GRM8: variants seen among roughly 807,000 people sequenced by gnomAD.
GRM8 encodes the protein metabotropic glutamate receptor 8.
Under a neutral mutation model 87.2 loss-of-function variants are expected in GRM8, and 47 were observed. The observed-to-expected ratio is 0.54, with a 90% CI of 0.43 to 0.69. The LOEUF (loss-of-function observed/expected upper bound fraction) is 0.69. Ranked by LOEUF, GRM8 falls within the 30% of genes least tolerant of loss-of-function variation. The probability of loss-of-function intolerance (pLI) is 0.00; values close to 1 mark genes in which losing one functional copy is unlikely to be tolerated. For synonymous variants in GRM8, 396 were observed against 404.5 expected (o/e 0.98, Z 0.25); for missense variants, 1,019 against 1,139.2 (o/e 0.89, Z 1.52).
chr7:126,782,132 T>C (rs1820143219), intron 6 of GRM8, among the ~76,000 whole-genome samples: 1 of 152,194 alleles, frequency 6.6e-6, no homozygotes. Flanking sequence ...TCATTGCAAA[T>C]AGTAACAGGA....
chr7:126,624,780 T>C (rs1156758344), intron 7 of GRM8, among the ~76,000 whole-genome samples: 6 of 152,216 alleles, frequency 3.9e-5, no homozygotes, highest in Admixed American at 6.5e-5. Context: ...TAGGAGGGCA[T>C]TAAAACCCCC....
intron 6 of GRM8, among the ~76,000 whole-genome samples, chr7:126,839,242 G>A (rs1412639123): frequency 6.6e-6 from 1 of 152,168 alleles, no homozygotes; most frequent in Non-Finnish European, 1.5e-5. Context: ...CTAGGCTTCT[G>A]CTAAGCAAAA....
chr7:127,164,177 T>C (rs752284007), intron 2 of GRM8, among the ~76,000 whole-genome samples: 22 of 152,248 alleles, frequency 1.4e-4, no homozygotes, highest in Non-Finnish European at 2.5e-4. Flanking sequence ...GGCCATGCGA[T>C]GTGCCTGCTC....
intron 6 of GRM8, among the ~76,000 whole-genome samples, chr7:126,791,588 C>A (rs968860465): frequency 4.6e-5 from 7 of 152,166 alleles, no homozygotes; most frequent in African/African-American, 1.7e-4. Flanking sequence ...GGGAAACTGA[C>A]TTGTAATGTC....
intron 7 of GRM8, among the ~76,000 whole-genome samples, chr7:126,644,106 T>C (rs1360096856): frequency 6.6e-6 from 1 of 152,254 alleles, no homozygotes; most frequent in Admixed American, 6.5e-5. Context: ...CATTAGATGG[T>C]ATCTTGGATC....
chr7:126,984,180 T>C (rs1383611716), intron 3 of GRM8, among the ~76,000 whole-genome samples: 3 of 152,216 alleles, frequency 2.0e-5, no homozygotes, highest in African/African-American at 4.8e-5. Flanking sequence ...AGTTGTATTA[T>C]GTTAGGCATA....
intron 8 of GRM8, among the ~76,000 whole-genome samples, chr7:126,568,404 A>G (rs1794423542): frequency 6.6e-6 from 1 of 152,174 alleles, no homozygotes; most frequent in Non-Finnish European, 1.5e-5. Context: ...GAACTGATGT[A>G]AGTCTTTAAA....
At chr7:126,897,922 G>A (rs1012017442) in intron 6 of GRM8, among the ~76,000 whole-genome samples, 1 of 152,116 alleles carries the variant, frequency 6.6e-6, no homozygotes, top group Non-Finnish European at 1.5e-5. Flanking sequence ...GCTCCTCACT[G>A]CTTGAAGATG....
intron 6 of GRM8, among the ~76,000 whole-genome samples, chr7:126,791,750 T>C (rs893002407): frequency 1.3e-5 from 2 of 152,228 alleles, no homozygotes; most frequent in African/African-American, 4.8e-5. Context: ...GGTGGTTAAC[T>C]GGATTCCATT....
chr7:127,001,761 G>C (rs868589279), intron 3 of GRM8, among the ~76,000 whole-genome samples: 1 of 151,446 alleles, frequency 6.6e-6, no homozygotes, highest in East Asian at 1.9e-4. Context: ...ATTCATAGTA[G>C]CCACAAAACT....
At chr7:126,806,910 C>T (rs1792823930) in intron 6 of GRM8, among the ~76,000 whole-genome samples, 1 of 152,226 alleles carries the variant, frequency 6.6e-6, no homozygotes, top group Non-Finnish European at 1.5e-5. Context: ...GCAGAGGGAG[C>T]CGGCTCTGGC....
intron 2 of GRM8, among the ~76,000 whole-genome samples, chr7:127,205,447 T>C (rs1000060328): frequency 4.6e-5 from 7 of 152,168 alleles, no homozygotes; most frequent in Admixed American, 3.9e-4. Flanking sequence ...AGATGTCCTG[T>C]AATATGCACA....
rs190794772 is a variant in GRM8 at position 126,779,842 on chromosome 7, C to T, written c.1157-9777G>A. Among the ~76,000 whole-genome samples, 40 of 152,164 alleles carry T rather than the reference C, an allele frequency of 2.6e-4. 1 individual carries two copies. The East Asian group carries it at 6.2e-3, about 24-fold the overall frequency. ...TAAGTCCTACCTCTTCTACACAACA[C>T]GGAAAAATATAAAATAGCATGGGTT... On this transcript the variant is annotated intron_variant, in intron 6 of 10. Coordinates refer to ENST00000339582, the MANE Select transcript of GRM8 (RefSeq NM_000845.3).
At chr7:126,876,706 T>C (rs989104335) in intron 6 of GRM8, among the ~76,000 whole-genome samples, 3 of 152,192 alleles carry the variant, frequency 2.0e-5, no homozygotes, top group Non-Finnish European at 4.4e-5. Flanking sequence ...TCAACATTGT[T>C]TGTATTCTTT....
intron 2 of GRM8, among the ~76,000 whole-genome samples, chr7:127,194,562 C>T (rs1316178813): frequency 1.3e-5 from 2 of 152,136 alleles, no homozygotes; most frequent in African/African-American, 2.4e-5. Flanking sequence ...CATATCTGTT[C>T]AAGCACCAAA....
intron 2 of GRM8, among the ~76,000 whole-genome samples, chr7:127,118,706 T>C (rs572302337): frequency 2.0e-4 from 31 of 152,222 alleles, no homozygotes; most frequent in Non-Finnish European, 4.1e-4. Flanking sequence ...CAAATCCAGG[T>C]AGTCTGACCC....
chr7:126,565,066 T>C (rs140976993), intron 8 of GRM8, among the ~76,000 whole-genome samples: 1 of 152,140 alleles, frequency 6.6e-6, no homozygotes, highest in African/African-American at 2.4e-5. Context: ...CTCAACATAA[T>C]AAAGACCACA....
chr7:127,179,582 T>C (rs1345091439), intron 2 of GRM8, among the ~76,000 whole-genome samples: 1 of 152,080 alleles, frequency 6.6e-6, no homozygotes, highest in Admixed American at 6.5e-5. Context: ...TTCTCCAAGA[T>C]AGACCATATG....
intron 1 of GRM8, among the ~76,000 whole-genome samples, chr7:127,248,791 G>A (rs994154069): frequency 1.3e-5 from 2 of 152,160 alleles, no homozygotes; most frequent in Non-Finnish European, 1.5e-5. Context: ...TCACGCTTGG[G>A]TCTAGTCAGA....
Sources: allele counts gnomAD v4.1 joint callset (sites outside exome capture counted in the v4.1 genomes callset), GRCh38; gene constraint gnomAD v4.1.1; transcripts MANE v1.5; gene names NCBI Gene and HGNC (gene_info 2026-07-23, HGNC 2026-07-21).